C2orf69: variants seen among roughly 807,000 people sequenced by gnomAD.
C2orf69 encodes mitochondrial protein C2orf69.
A neutral mutation model predicts 29.5 loss-of-function variants in C2orf69; 19 were observed. The ratio of observed to expected loss-of-function variants is 0.65; its 90% confidence interval spans 0.45 to 0.95. The LOEUF is 0.95. Ranked by LOEUF, C2orf69 falls within the 40% of genes least tolerant of loss-of-function variation. The pLI, the probability that C2orf69 is intolerant of heterozygous loss-of-function variation, is 0.00. For missense variants in C2orf69, 416 were observed against 482.1 expected, an observed-to-expected ratio of 0.86 and a Z score of 1.28; for synonymous variants, 194 against 180.0, an observed-to-expected ratio of 1.08 and a Z score of -0.62.
chr2:199,912,291 A>G (rs1050168322), intron 1 of C2orf69, among the ~76,000 whole-genome samples: 6 of 152,238 alleles, frequency 3.9e-5, no homozygotes, highest in East Asian at 1.9e-4. Context: ...AAGCATGTCA[A>G]TGTTTTGATG....
At chr2:199,917,451 T>A (rs965307824) in intron 1 of C2orf69, among the ~76,000 whole-genome samples, 12 of 152,204 alleles carry the variant, frequency 7.9e-5, no homozygotes, top group Non-Finnish European at 1.6e-4. Context: ...TATGTGCTAC[T>A]TCCCATTTAC....
At chr2:199,913,668 C>T (rs552328041) in intron 1 of C2orf69, among the ~76,000 whole-genome samples, 130 of 149,534 alleles carry the variant, frequency 8.7e-4, no homozygotes, top group African/African-American at 3.1e-3. Context: ...AAAACAACTA[C>T]TACTTAGATT....
chr2:199,913,351 A>C (rs1380457708), intron 1 of C2orf69, among the ~76,000 whole-genome samples: 1 of 78,190 alleles, frequency 1.3e-5, no homozygotes, highest in Non-Finnish European at 2.3e-5. Context: ...AATATATATT[A>C]TATATAATAT....
chr2:199,924,262 C>T (rs1459736098), intron 1 of C2orf69, among the ~76,000 whole-genome samples: 3 of 152,082 alleles, frequency 2.0e-5, no homozygotes, highest in Non-Finnish European at 4.4e-5. Flanking sequence ...AAAACGTTAG[C>T]CACAAGTGAT....
In C2orf69 at chr2:199,926,594, T is replaced by G. The variant is rs1318721918; in HGVS notation, c.*708T>G. On this transcript the variant is annotated 3_prime_UTR_variant, in exon 2 of 2. Coordinates refer to ENST00000319974, the MANE Select transcript of C2orf69 (RefSeq NM_153689.6). ...GCTGTGTGGTTCACCATAATTGTGT[T>G]TGTGACTAGCTACTGCACTCCAACC... The G allele has an allele frequency of 6.6e-6, 1 of 152,228 alleles. No individual in the cohort carries two copies. Among genetic ancestry groups the G allele is most frequent in the African/African-American group, 2.4e-5 (1 of 41,444 alleles). The allele number at this position is 152,228 out of a possible 1,614,324, so 9.4% of individuals were successfully genotyped here. A position where few individuals can be genotyped will look rare whatever the true frequency, so the allele number is the denominator to read the frequency against.
At chr2:199,912,236 T>C (rs1214290229) in intron 1 of C2orf69, among the ~76,000 whole-genome samples, 1 of 152,136 alleles carries the variant, frequency 6.6e-6, no homozygotes, top group African/African-American at 2.4e-5. Flanking sequence ...CCAGTAACCC[T>C]AAAAAAGAGT....
chr2:199,911,366 G>A lies in C2orf69; in HGVS notation c.-73G>A. ...CGACCGTTGAGCCGCCGGCTGAGCC[G>A]CCTGCTGAAGTCCCTCCCTCAGGAA... On this transcript the variant is annotated 5_prime_UTR_variant, in exon 1 of 2. Transcript: ENST00000319974. 2 of 1,371,390 alleles carry A rather than the reference G, an allele frequency of 1.5e-6. No homozygotes were observed. Among genetic ancestry groups the A allele is most frequent in the South Asian group, 1.7e-5 (1 of 58,000 alleles). 85.0% of individuals were successfully genotyped at this position (1,371,390 alleles called of 1,614,324 possible).
chr2:199,913,438 A>G (rs1359343972), intron 1 of C2orf69, among the ~76,000 whole-genome samples: 4 of 86,762 alleles, frequency 4.6e-5, no homozygotes, highest in Non-Finnish European at 8.7e-5. Flanking sequence ...AATATATATT[A>G]TATAAAATAT....
chr2:199,912,476 T>A (rs1375354162), intron 1 of C2orf69, among the ~76,000 whole-genome samples: 2 of 152,192 alleles, frequency 1.3e-5, no homozygotes, highest in Non-Finnish European at 2.9e-5. Flanking sequence ...TAAATAAAAC[T>A]AAAAATCCAG....
At position 199,926,145 on chromosome 2, in the gene C2orf69, T is replaced by G. The variant is rs1339331457; in HGVS notation, c.*259T>G. 2.8e-6 allele frequency: 1 copy of G among 351,362 alleles called. No individual in the cohort carries two copies. Among genetic ancestry groups the G allele is most frequent in the South Asian group, 8.1e-5 (1 of 12,412 alleles). The allele number at this position is 351,362 out of a possible 1,614,324, so 21.8% of individuals were successfully genotyped here. A position where few individuals can be genotyped will look rare whatever the true frequency, so the allele number is the denominator to read the frequency against. On this transcript the variant is annotated 3_prime_UTR_variant, in exon 2 of 2. Coordinates refer to ENST00000319974, the MANE Select transcript of C2orf69 (RefSeq NM_153689.6). ...GGTTTGTAATAATGCTGAGGAGATA[T>G]AAGACCCTTAAAATGAAAGTTACAA...
rs1353547495 is a variant in C2orf69, at chr2:199,927,837, A to T, written c.*1951A>T. 1 of 152,160 alleles carries T rather than the reference A, an allele frequency of 6.6e-6. No individual in the cohort carries two copies. Among genetic ancestry groups the T allele is most frequent in the Non-Finnish European group, 1.5e-5 (1 of 67,990 alleles). The allele number at this position is 152,160 out of a possible 1,614,324, so 9.4% of individuals were successfully genotyped here. A position where few individuals can be genotyped will look rare whatever the true frequency, so the allele number is the denominator to read the frequency against. The stretch of plus-strand genomic sequence containing the variant: ...AAAAGCATTTATTTTCACATGATTA[A>T]CTGAAATGGAAAAGTAAGACATTTA... On this transcript the variant is annotated 3_prime_UTR_variant, in exon 2 of 2. Coordinates refer to ENST00000319974, the MANE Select transcript of C2orf69 (RefSeq NM_153689.6).
Position 199,911,351 on chromosome 2 carries a change from GC to G in C2orf69, c.-86del, listed in dbSNP as rs1389131458. On this transcript the variant is annotated 5_prime_UTR_variant, in exon 1 of 2. Coordinates refer to ENST00000319974, the MANE Select transcript of C2orf69 (RefSeq NM_153689.6). ...CCGGGCCGCGGCCGCCGACCGTTGA[GC>G]CGCCGGCTGAGCCGCCTGCTGAAGT... is the stretch of plus-strand genomic sequence containing the variant. 6.6e-6 allele frequency: 9 copies of G among 1,365,212 alleles called. No individual in the cohort carries two copies. The highest frequency in any genetic ancestry group is 8.5e-6 in the Non-Finnish European group (9 of 1,064,408). The allele number at this position is 1,365,212 out of a possible 1,614,324, so 84.6% of individuals were successfully genotyped here. A position where few individuals can be genotyped will look rare whatever the true frequency, so the allele number is the denominator to read the frequency against.
In C2orf69 at chr2:199,925,500, T is replaced by G. The variant is rs1467439940; in HGVS notation, c.772T>G (p.Phe258Val). ...FYPPSLNDASFTLIGFSKGCV... is the reference protein window; with the variant it reads ...FYPPSLNDASVTLIGFSKGCV... ...TCCACCATCACTAAATGACGCATCT[T>G]TTACTTTGATTGGATTCAGTAAAGG... The change falls in exon 2 of 2, where the codon TTT (phenylalanine) becomes GTT (valine). Residue 258 changes from phenylalanine (F) to valine (V), a missense_variant. Phe to Val is a conservative substitution (Grantham distance 50, BLOSUM62 -1). Coordinates refer to ENST00000319974, the MANE Select transcript of C2orf69 (RefSeq NM_153689.6). The surrounding 1 kb of genome is among the most constrained non-coding windows in gnomAD (Gnocchi z 4.9). 6.2e-7 allele frequency: 1 copy of G among 1,613,926 alleles called. No individual in the cohort carries two copies.
intron 1 of C2orf69, among the ~76,000 whole-genome samples, chr2:199,919,917 T>A (rs568663125): frequency 3.3e-5 from 5 of 152,366 alleles, no homozygotes; most frequent in Admixed American, 2.6e-4. Context: ...CAAGATTTCC[T>A]AAAAATCCAT....
chr2:199,911,819 G>T (rs1055809344), intron 1 of C2orf69, 48 bp downstream of exon 1: 5 of 1,535,130 alleles, frequency 3.3e-6, no homozygotes, highest in Non-Finnish European at 4.4e-6. Flanking sequence ...TCGTGTATAC[G>T]TACGCGGTCA....
At position 199,925,773 on chromosome 2, in the gene C2orf69, A is replaced by G. The variant is rs763312533; in HGVS notation, c.1045A>G (p.Lys349Glu). ...PMRSWIGKEH[K>E]KFVQILGDLG... ...GAGATCTTGGATTGGAAAGGAGCAC[A>G]AGAAATTTGTTCAGATACTTGGGGA... Residue 349 changes from lysine (K) to glutamate (E), a missense_variant, in exon 2 of 2, where the codon AAG (lysine) becomes GAG (glutamate). Lys to Glu is a moderately conservative substitution (Grantham distance 56, BLOSUM62 1). Transcript: ENST00000319974. This position sits in a 1 kb window ranked among gnomAD's most constrained non-coding sequence, Gnocchi z 4.9. The G allele has an allele frequency of 1.2e-5, 19 of 1,613,940 alleles. 1 individual carries two copies. The East Asian group carries it at 4.0e-4, about 34-fold the overall frequency.
intron 1 of C2orf69, among the ~76,000 whole-genome samples, chr2:199,915,508 T>C (rs2077289508): frequency 6.9e-6 from 1 of 143,936 alleles, no homozygotes; most frequent in African/African-American, 2.5e-5. Flanking sequence ...TTTGCCTATC[T>C]TTTTTTTTTT....
At position 199,926,185 on chromosome 2, in the gene C2orf69, A is replaced by C. The variant is rs1169830114; in HGVS notation, c.*299A>C. The C allele has an allele frequency of 4.1e-6, 1 of 246,594 alleles. No individual in the cohort carries two copies. The highest frequency in any genetic ancestry group is 2.2e-5 in the African/African-American group (1 of 45,054). 15.3% of individuals were successfully genotyped at this position (246,594 alleles called of 1,614,324 possible). A position where few individuals can be genotyped will look rare whatever the true frequency, so the allele number is the denominator to read the frequency against. On this transcript the variant is annotated 3_prime_UTR_variant, in exon 2 of 2. Coordinates refer to ENST00000319974, the MANE Select transcript of C2orf69 (RefSeq NM_153689.6). ...GAAAGTTACAACATTGTTCTTATAA[A>C]AGGTAACTAAAATTGTTACTGTTGG...
rs1443210768 is a variant in C2orf69, at chr2:199,913,317, T to TATATATAATATATTATAATATATA, written c.333+1559_333+1560insTATAATATATAATATATAATATAT. Among the ~76,000 whole-genome samples the TATATATAATATATTATAATATATA allele has an allele frequency of 3.9e-5, 4 of 101,870 alleles. No individual in the cohort carries two copies. In the East Asian group the frequency reaches 9.4e-4, roughly 24 times the overall value. The allele number at this position is 101,870 out of a possible 152,430, so 66.8% of individuals were successfully genotyped here. A position where few individuals can be genotyped will look rare whatever the true frequency, so the allele number is the denominator to read the frequency against. Reference sequence around the variant, plus strand: ...ATATATATTCTATTATAATATATATTATATATAATATATATTCTATTATAA... The same window carrying TATATATAATATATTATAATATATA: ...ATATATATTCTATTATAATATATATTATATATAATATATTATAATATATAATATATAATATATATTCTATTATAA... On this transcript the variant is annotated intron_variant, in intron 1 of 1. Transcript: ENST00000319974.
Sources: allele counts gnomAD v4.1 joint callset (sites outside exome capture counted in the v4.1 genomes callset), GRCh38; gene constraint gnomAD v4.1.1; non-coding constraint Gnocchi (gnomAD v3.1); transcripts MANE v1.5; gene names NCBI Gene and HGNC (gene_info 2026-07-23, HGNC 2026-07-21).